ABCC9: variants seen among roughly 807,000 people sequenced by gnomAD.
ABCC9 encodes ATP-binding cassette sub-family C member 9.
ABCC9 carries 95 observed loss-of-function variants against 188.3 expected under a neutral mutation model. That is an observed-to-expected ratio of 0.50 (90% CI 0.43 to 0.60). The LOEUF is 0.60. Among genes scored for constraint, ABCC9 ranks in the 20% least tolerant of loss-of-function variants. ABCC9 has a pLI of 0.00. For missense variants in ABCC9, 1,102 were observed against 1,876.3 expected, an observed-to-expected ratio of 0.59 and a Z score of 7.62; for synonymous variants, 659 against 652.7, an observed-to-expected ratio of 1.01 and a Z score of -0.15.
intron 36 of ABCC9, among the ~76,000 whole-genome samples, chr12:21,811,495 TAATA>T (rs1942234812): frequency 6.6e-6 from 1 of 152,126 alleles, no homozygotes. Context: ...AAAATGGAGA[TAATA>T]AATATCTACC....
At chr12:21,834,422 T>C (rs1207180310) in intron 30 of ABCC9, among the ~76,000 whole-genome samples, 1 of 152,150 alleles carries the variant, frequency 6.6e-6, no homozygotes, top group Non-Finnish European at 1.5e-5. Flanking sequence ...CCTAGGGTAA[T>C]ATGCATCAAA....
rs17846792 is a variant in ABCC9 at position 21,936,329 on chromosome 12, A to G, written c.142+204T>C. 4.6e-5 allele frequency among the ~76,000 whole-genome samples: 7 copies of G among 152,298 alleles called. No homozygotes were observed. The East Asian group carries it at 1.3e-3, about 29-fold the overall frequency. Reference sequence around the variant, plus strand: ...CTGCTGCTACCTGAAGGCCATGCCTAAGCAAGCATGTGACCTCAATTTCAC... The same window carrying G: ...CTGCTGCTACCTGAAGGCCATGCCTGAGCAAGCATGTGACCTCAATTTCAC... On this transcript the variant is annotated intron_variant, in intron 3 of 39. Coordinates refer to ENST00000261200, the MANE Select transcript of ABCC9 (RefSeq NM_020297.4).
chr12:21,860,871 T>G, intron 21 of ABCC9, 100 bp downstream of exon 21: 1 of 991,232 alleles, frequency 1.0e-6, no homozygotes, highest in Non-Finnish European at 1.6e-6. Context: ...ATACAACTCC[T>G]AAGCTCTCAA....
chr12:21,917,627 T>C (rs1948653935), intron 5 of ABCC9, among the ~76,000 whole-genome samples: 1 of 152,140 alleles, frequency 6.6e-6, no homozygotes, highest in Non-Finnish European at 1.5e-5. Flanking sequence ...CTTTCCTTAG[T>C]CAAATGGTTT....
intron 4 of ABCC9, among the ~76,000 whole-genome samples, chr12:21,931,080 G>A (rs1377115522): frequency 1.3e-5 from 2 of 152,106 alleles, no homozygotes; most frequent in African/African-American, 4.8e-5. Flanking sequence ...GCTATGATAT[G>A]GTTTGGCTGT....
chr12:21,888,662 G>C (rs766098663), intron 14 of ABCC9, among the ~76,000 whole-genome samples: 4 of 152,082 alleles, frequency 2.6e-5, no homozygotes, highest in Non-Finnish European at 4.4e-5. Flanking sequence ...TAGAAGACTG[G>C]TTTGCCAACA....
At chr12:21,835,783 C>A (rs189006304) in intron 30 of ABCC9, among the ~76,000 whole-genome samples, 5 of 152,286 alleles carry the variant, frequency 3.3e-5, no homozygotes, top group Non-Finnish European at 5.9e-5. Flanking sequence ...GAATGATACT[C>A]AAACCTGTAT....
chr12:21,857,204 A>G (rs151156059), intron 22 of ABCC9, among the ~76,000 whole-genome samples: 243 of 152,334 alleles, frequency 1.6e-3, no homozygotes, highest in African/African-American at 5.6e-3. Flanking sequence ...CATCTAGCAC[A>G]GAGTTTTTCA....
Position 21,856,797 on chromosome 12 carries a change from A to T in ABCC9, c.2505+2789T>A, listed in dbSNP as rs144418202. ...CAGGGAGTGAGTGAGTAAAGAAGAA[A>T]TGTAAAAGGAAAGGAGAGAAAAGGA... On this transcript the variant is annotated intron_variant, in intron 22 of 39. Transcript: ENST00000261200. 2.5e-3 allele frequency among the ~76,000 whole-genome samples: 375 copies of T among 152,342 alleles called. 5 individuals carry two copies. The highest frequency in any genetic ancestry group is 0.022 in the Admixed American group (340 of 15,296).
chr12:21,915,514 A>ATATATATATT lies in ABCC9; in HGVS notation c.816+153_816+154insAATATATATA. Among the ~76,000 whole-genome samples, 7 of 3,522 alleles carry ATATATATATT rather than the reference A, an allele frequency of 2.0e-3. 1 individual carries two copies. Among genetic ancestry groups the ATATATATATT allele is most frequent in the South Asian group, 0.023 (1 of 44 alleles). 2.3% of individuals were successfully genotyped at this position (3,522 alleles called of 152,430 possible). On this transcript the variant is annotated intron_variant, in intron 7 of 39. Transcript: ENST00000261200. ...TGTGTGTGTGTGTATATATATATATATTTTTTTTTTTTTTTTGAGACAGAG... is the reference window on the plus strand; with the variant it reads ...TGTGTGTGTGTGTATATATATATATATATATATATTTTTTTTTTTTTTTTTTGAGACAGAG...
intron 12 of ABCC9, among the ~76,000 whole-genome samples, chr12:21,905,218 C>T (rs1271406963): frequency 1.3e-5 from 2 of 152,118 alleles, no homozygotes; most frequent in African/African-American, 4.8e-5. Flanking sequence ...GGGAACTGAA[C>T]AATGAAAACA....
At chr12:21,891,749 T>A (rs927901049) in intron 14 of ABCC9, among the ~76,000 whole-genome samples, 32 of 152,152 alleles carry the variant, frequency 2.1e-4, no homozygotes, top group African/African-American at 5.3e-4. Flanking sequence ...AAGATTGCAG[T>A]GAGGGATTTA....
intron 39 of ABCC9, among the ~76,000 whole-genome samples, chr12:21,804,743 G>T (rs1233986194): frequency 6.6e-6 from 1 of 152,170 alleles, no homozygotes; most frequent in Non-Finnish European, 1.5e-5. Flanking sequence ...CATCATCCAA[G>T]AAAGTGGAAG....
intron 31 of ABCC9, among the ~76,000 whole-genome samples, chr12:21,820,739 C>T (rs1942990599): frequency 6.6e-6 from 1 of 152,080 alleles, no homozygotes; most frequent in African/African-American, 2.4e-5. Flanking sequence ...TACCTGGCTC[C>T]TTCCCATCAT....
chr12:21,888,007 G>A (rs1248681013), intron 14 of ABCC9, 73 bp from the exon 15 acceptor site: 8 of 1,104,594 alleles, frequency 7.2e-6, no homozygotes, highest in East Asian at 4.7e-5. Flanking sequence ...CCTAAATAAC[G>A]ACTTTAACAC....
intron 37 of ABCC9, among the ~76,000 whole-genome samples, chr12:21,808,389 C>G (rs1565683392): frequency 6.6e-6 from 1 of 152,104 alleles, no homozygotes; most frequent in Non-Finnish European, 1.5e-5. Context: ...TAAATACAAT[C>G]CCCTGTGGCC....
Position 21,844,805 on chromosome 12 carries a change from G to T in ABCC9, c.3207C>A (p.His1069Gln). ...GGATTATCTTATTGAGAAGGTTGTG[G>T]TGAAGATTTTTGGCAGCTGTGAGAC... ...WMGLTAAKNL[H>Q]HNLLNKIILG... The change falls in exon 27 of 40, where the codon CAC becomes CAA. Residue 1069 changes from histidine (H) to glutamine (Q), a missense_variant. His to Gln is a conservative substitution (Grantham distance 24, BLOSUM62 0). This residue lies in a region of ABCC9 where 74 missense variants were observed against 132.7 expected (regional missense o/e 0.56). Transcript: ENST00000261200. 6.2e-7 allele frequency: 1 copy of T among 1,613,970 alleles called. No individual in the cohort carries two copies. Among genetic ancestry groups the T allele is most frequent in the Non-Finnish European group, 8.5e-7 (1 of 1,179,882 alleles).
rs1340258942 is a variant in ABCC9, at chr12:21,925,935, T to C, written c.406+7A>G. On this transcript the variant is annotated splice_region_variant and intron_variant, in intron 5 of 39. Coordinates refer to ENST00000261200, the MANE Select transcript of ABCC9 (RefSeq NM_020297.4). ...TAAGGAGAAACAACAAAAGTGATCA[T>C]ACTTACCTAAAAGTAATTTAGGAAA... 2.5e-6 allele frequency: 4 copies of C among 1,607,856 alleles called. No individual in the cohort carries two copies. The highest frequency in any genetic ancestry group is 3.4e-6 in the Non-Finnish European group (4 of 1,174,478).
At chr12:21,820,731 C>T (rs1391109314) in intron 31 of ABCC9, among the ~76,000 whole-genome samples, 2 of 152,058 alleles carry the variant, frequency 1.3e-5, no homozygotes, top group Non-Finnish European at 2.9e-5. Context: ...GTCTCTGATA[C>T]CTGGCTCCTT....
Sources: gnomAD v4.1 joint callset for allele counts (sites outside exome capture counted in the v4.1 genomes callset) on GRCh38, gnomAD v4.1.1 for gene constraint, gnomAD v4.1.1 regional missense constraint, MANE v1.5 for transcripts, NCBI Gene and HGNC (gene_info 2026-07-23, HGNC 2026-07-21) for gene names.